WDFY1: variants seen among roughly 807,000 people sequenced by gnomAD.
WDFY1 encodes WD repeat and FYVE domain containing 1.
A neutral mutation model predicts 56.4 loss-of-function variants in WDFY1; 32 were observed. That is an observed-to-expected ratio of 0.57 (90% CI 0.43 to 0.76). WDFY1 has a LOEUF of 0.76. Ranked by LOEUF, WDFY1 falls within the 30% of genes least tolerant of loss-of-function variation. The pLI, the probability that WDFY1 is intolerant of heterozygous loss-of-function variation, is 0.00. For missense variants in WDFY1, 480 were observed against 545.7 expected (o/e 0.88, Z 1.20); for synonymous variants, 192 against 197.3 (o/e 0.97, Z 0.23).
chr2:223,881,736 C>T (rs940912548), intron 10 of WDFY1, among the ~76,000 whole-genome samples: 5 of 151,762 alleles, frequency 3.3e-5, no homozygotes, highest in Admixed American at 6.6e-5. Context: ...TGCAGTGGGC[C>T]GAGATCACGC....
intron 1 of WDFY1, among the ~76,000 whole-genome samples, chr2:223,930,710 T>G (rs756807394): frequency 6.6e-6 from 1 of 152,202 alleles, no homozygotes; most frequent in Non-Finnish European, 1.5e-5. Flanking sequence ...GAGGCCTGGT[T>G]TGCTCTCACT....
chr2:223,914,867 G>GT (rs1013945211), intron 2 of WDFY1, among the ~76,000 whole-genome samples: 217 of 149,298 alleles, frequency 1.5e-3, no homozygotes, highest in South Asian at 3.4e-3. Flanking sequence ...GATTCTGAAA[G>GT]TTTTTTTTTT....
rs1692979369 is a variant in WDFY1 at position 223,876,716 on chromosome 2, A to G, written c.*1955T>C. 6.6e-6 allele frequency: 1 copy of G among 152,324 alleles called. No homozygotes were observed. The highest frequency in any genetic ancestry group is 1.9e-4 in the East Asian group (1 of 5,186). 9.4% of individuals were successfully genotyped at this position (152,324 alleles called of 1,614,324 possible). On this transcript the variant is annotated 3_prime_UTR_variant, in exon 12 of 12. Transcript: ENST00000233055. ...CTCAGCAGCTGTGATATTCCGTTCAATCTACCACAGATGTCAAACGGTCAC... is the reference window on the plus strand; with the variant it reads ...CTCAGCAGCTGTGATATTCCGTTCAGTCTACCACAGATGTCAAACGGTCAC...
rs150944964 is a variant in WDFY1, at chr2:223,890,416, G to T, written c.831+3818C>A. Among the ~76,000 whole-genome samples, 1,499 of 152,126 alleles carry T rather than the reference G, an allele frequency of 9.9e-3. 10 individuals are homozygous for T. The highest frequency in any genetic ancestry group is 0.024 in the Middle Eastern group (7 of 294). ...GAGCCCAGGAGGCAGAGGTTGCAGTGACAAAAATATATGCTTAAAAAAATT... is the reference window on the plus strand; with the variant it reads ...GAGCCCAGGAGGCAGAGGTTGCAGTTACAAAAATATATGCTTAAAAAAATT... On this transcript the variant is annotated intron_variant, in intron 8 of 11. Transcript: ENST00000233055.
At chr2:223,898,283 G>A (rs1693433936) in intron 6 of WDFY1, among the ~76,000 whole-genome samples, 1 of 152,184 alleles carries the variant, frequency 6.6e-6, no homozygotes, top group Non-Finnish European at 1.5e-5. Flanking sequence ...ATCAGGTCTT[G>A]CTCAGGGGCT....
At chr2:223,925,238 A>C (rs1479798438) in intron 1 of WDFY1, among the ~76,000 whole-genome samples, 1 of 151,742 alleles carries the variant, frequency 6.6e-6, no homozygotes, top group Non-Finnish European at 1.5e-5. Flanking sequence ...AAAAAGCATA[A>C]CACAGAGATT....
At chr2:223,938,691 A>G (rs994093537) in intron 1 of WDFY1, among the ~76,000 whole-genome samples, 1 of 152,126 alleles carries the variant, frequency 6.6e-6, no homozygotes, top group Non-Finnish European at 1.5e-5. Context: ...TAATGGCATT[A>G]AGCTTTGATA....
At chr2:223,924,334 T>C (rs1693942778) in intron 1 of WDFY1, among the ~76,000 whole-genome samples, 2 of 152,188 alleles carry the variant, frequency 1.3e-5, no homozygotes, top group East Asian at 1.9e-4. Flanking sequence ...GTTATACATA[T>C]ATAACTTACA....
intron 6 of WDFY1, among the ~76,000 whole-genome samples, chr2:223,897,000 T>C (rs1369607158): frequency 6.6e-6 from 1 of 152,176 alleles, no homozygotes; most frequent in Non-Finnish European, 1.5e-5. Flanking sequence ...AAGTGGTTTC[T>C]TCACGGGCCT....
At chr2:223,900,070 T>C (rs948857876) in intron 5 of WDFY1, among the ~76,000 whole-genome samples, 2 of 152,218 alleles carry the variant, frequency 1.3e-5, no homozygotes, top group Non-Finnish European at 2.9e-5. Flanking sequence ...TCATAGATAT[T>C]TGTGGAAAAC....
Position 223,884,899 on chromosome 2 carries a change from ATG to A in WDFY1, c.832-152_832-151del, listed in dbSNP as rs532976338. 305 of 639,308 alleles carry A rather than the reference ATG, an allele frequency of 4.8e-4. 1 individual carries two copies. In the African/African-American group the frequency reaches 4.8e-3, roughly 10 times the overall value. The allele number at this position is 639,308 out of a possible 1,614,324, so 39.6% of individuals were successfully genotyped here. A position where few individuals can be genotyped will look rare whatever the true frequency, so the allele number is the denominator to read the frequency against. ...TTGGTCTCCCAGGCTGGAGTGCAGT[ATG>A]TGTGATCTTGGCTCACTGCAACCTC... On this transcript the variant is annotated intron_variant, in intron 8 of 11. Coordinates refer to ENST00000233055, the MANE Select transcript of WDFY1 (RefSeq NM_020830.5).
rs1425897891 is a variant in WDFY1 at position 223,877,142 on chromosome 2, T to C, written c.*1529A>G. On this transcript the variant is annotated 3_prime_UTR_variant, in exon 12 of 12. Coordinates refer to ENST00000233055, the MANE Select transcript of WDFY1 (RefSeq NM_020830.5). The stretch of plus-strand genomic sequence containing the variant: ...TGTGCGTGACCCCCTTTCCTTTCCT[T>C]ACGTGTGTCACACAGCCATTAAGAC... 1 of 152,160 alleles carries C rather than the reference T, an allele frequency of 6.6e-6. No individual in the cohort carries two copies. Among genetic ancestry groups the C allele is most frequent in the African/African-American group, 2.4e-5 (1 of 41,448 alleles). The allele number at this position is 152,160 out of a possible 1,614,324, so 9.4% of individuals were successfully genotyped here.
intron 2 of WDFY1, among the ~76,000 whole-genome samples, chr2:223,913,556 T>TAC (rs1693738912): frequency 6.6e-6 from 1 of 152,206 alleles, no homozygotes; most frequent in Admixed American, 6.5e-5. Context: ...AAGATATATA[T>TAC]ACATATCTTT....
In WDFY1 at chr2:223,878,651, G is replaced by T; in HGVS notation, c.*20C>A. On this transcript the variant is annotated 3_prime_UTR_variant, in exon 12 of 12. Transcript: ENST00000233055. Reference sequence around the variant, plus strand: ...GGTGGAGCTGCTGTTCTTAGGTGTGGACGCCGCCCAGCTCTCAGATCAGTG... The same window carrying T: ...GGTGGAGCTGCTGTTCTTAGGTGTGTACGCCGCCCAGCTCTCAGATCAGTG... The T allele has an allele frequency of 6.2e-7, 1 of 1,601,278 alleles. No homozygotes were observed. Among genetic ancestry groups the T allele is most frequent in the African/African-American group, 1.3e-5 (1 of 74,742 alleles).
In WDFY1 at chr2:223,877,087, A is replaced by T. The variant is rs1461322706; in HGVS notation, c.*1584T>A. The T allele has an allele frequency of 6.6e-6, 1 of 152,196 alleles. No homozygotes were observed. Among genetic ancestry groups the T allele is most frequent in the African/African-American group, 2.4e-5 (1 of 41,440 alleles). The allele number at this position is 152,196 out of a possible 1,614,324, so 9.4% of individuals were successfully genotyped here. ...CAGTCTTATTTCTGAAGACAAGTCT[A>T]TGTTTAATGCAGATCATTCCAGTAC... On this transcript the variant is annotated 3_prime_UTR_variant, in exon 12 of 12. Transcript: ENST00000233055.
In WDFY1 at chr2:223,906,983, A is replaced by ATAT. The variant is rs1553536671; in HGVS notation, c.280-985_280-983dup. Among the ~76,000 whole-genome samples, 303 of 149,320 alleles carry ATAT rather than the reference A, an allele frequency of 2.0e-3. 1 individual carries two copies. Among genetic ancestry groups the ATAT allele is most frequent in the African/African-American group, 6.5e-3 (264 of 40,328 alleles). ...TATTATTATTATTATTATTATTATT[A>ATAT]TATTATTTTGAGACAGAGTCTCGCT... On this transcript the variant is annotated intron_variant, in intron 3 of 11. Coordinates refer to ENST00000233055, the MANE Select transcript of WDFY1 (RefSeq NM_020830.5).
At chr2:223,898,305 A>C (rs1164346726) in intron 6 of WDFY1, among the ~76,000 whole-genome samples, 1 of 152,228 alleles carries the variant, frequency 6.6e-6, no homozygotes, top group African/African-American at 2.4e-5. Context: ...AGAAACTGAC[A>C]AATTTTTTTA....
intron 10 of WDFY1, 77 bp from the exon 11 acceptor site, chr2:223,880,309 T>A (rs1165490319): frequency 7.4e-7 from 1 of 1,351,482 alleles, no homozygotes; most frequent in Non-Finnish European, 1.1e-6. Context: ...TTTAGCAACA[T>A]AAAATAAGCA....
At position 223,895,547 on chromosome 2, in the gene WDFY1, T is replaced by C. The variant is rs1693351195; in HGVS notation, c.682A>G (p.Ile228Val). 4.3e-6 allele frequency: 7 copies of C among 1,613,934 alleles called. No individual in the cohort carries two copies. Among genetic ancestry groups the C allele is most frequent in the East Asian group, 4.5e-5 (2 of 44,880 alleles). The change falls in exon 7 of 12, where the codon ATC becomes GTC. Residue 228 changes from isoleucine to valine, a missense_variant. Physicochemically the swap from Ile to Val is conservative, Grantham distance 29. Coordinates refer to ENST00000233055, the MANE Select transcript of WDFY1 (RefSeq NM_020830.5). ...ASDNSIIMWDIGGRKGRTLLL... is the reference protein window; with the variant it reads ...ASDNSIIMWDVGGRKGRTLLL... Reference sequence around the variant, plus strand: ...AGCGTCCGGCCTTTCCTTCCTCCGATGTCCCACATGATGATGCTGTTGTCA... The same window carrying C: ...AGCGTCCGGCCTTTCCTTCCTCCGACGTCCCACATGATGATGCTGTTGTCA...
Sources: gnomAD v4.1 joint callset for allele counts (sites outside exome capture counted in the v4.1 genomes callset) on GRCh38, gnomAD v4.1.1 for gene constraint, MANE v1.5 for transcripts, NCBI Gene and HGNC (gene_info 2026-07-23, HGNC 2026-07-21) for gene names.